CDK13: variants seen among roughly 807,000 people sequenced by gnomAD.
CDK13 encodes cyclin-dependent kinase 13.
Under a neutral mutation model 137.6 loss-of-function variants are expected in CDK13, and 40 were observed. The ratio of observed to expected loss-of-function variants is 0.29; its 90% CI spans 0.23 to 0.38. CDK13 has a LOEUF of 0.38. CDK13 is among the 10% of genes least tolerant of loss of function. The pLI, the probability that CDK13 is intolerant of heterozygous loss-of-function variation, is 1.00. For synonymous variants in CDK13, 869 were observed against 760.1 expected, an observed-to-expected ratio of 1.14 and a Z score of -2.36; for missense variants, 1,704 against 1,951.8, an observed-to-expected ratio of 0.87 and a Z score of 2.39.
chr7:39,999,588 C>T (rs1330682126), intron 4 of CDK13, 88 bp downstream of exon 4: 2 of 1,323,100 alleles, frequency 1.5e-6, no homozygotes, highest in Non-Finnish European at 2.1e-6. Context: ...CAGAAATTTT[C>T]CAAAAAATTA....
At chr7:40,068,082 C>G (rs1786321742) in intron 9 of CDK13, 1 of 119,170 alleles carries the variant, frequency 8.4e-6, no homozygotes, top group Admixed American at 8.8e-5. Context: ...GCGATTGAGA[C>G]TGTCTCAAAA....
chr7:40,064,366 A>C (rs981738357), intron 9 of CDK13, among the ~76,000 whole-genome samples: 1 of 152,140 alleles, frequency 6.6e-6, no homozygotes, highest in African/African-American at 2.4e-5. Context: ...ATTTCCATGA[A>C]AGTTTCAAAA....
At chr7:40,012,911 CAAAA>C (rs61228761) in intron 5 of CDK13, among the ~76,000 whole-genome samples, 17 of 120,594 alleles carry the variant, frequency 1.4e-4, no homozygotes, top group Admixed American at 3.5e-4. Flanking sequence ...GACTCTGTGT[CAAAA>C]AAAAAAAAAA....
At chr7:40,045,609 A>G (rs1262255212) in intron 5 of CDK13, among the ~76,000 whole-genome samples, 1 of 151,294 alleles carries the variant, frequency 6.6e-6, no homozygotes, top group African/African-American at 2.4e-5. Context: ...TTAAAATCAT[A>G]ACTGTTTTTT....
intron 1 of CDK13, among the ~76,000 whole-genome samples, chr7:39,954,240 C>T (rs542125988): frequency 2.0e-5 from 3 of 152,164 alleles, no homozygotes; most frequent in Admixed American, 2.0e-4. Flanking sequence ...GTCAAATGTC[C>T]AGCTTAAAAC....
chr7:39,955,372 A>G (rs993523044), intron 1 of CDK13, among the ~76,000 whole-genome samples: 1 of 152,170 alleles, frequency 6.6e-6, no homozygotes, highest in African/African-American at 2.4e-5. Flanking sequence ...TTGAAAGTAC[A>G]TGCTCTTAAT....
At chr7:39,992,902 G>A (rs1187256661) in intron 2 of CDK13, among the ~76,000 whole-genome samples, 4 of 152,112 alleles carry the variant, frequency 2.6e-5, no homozygotes, top group African/African-American at 7.2e-5. Flanking sequence ...ACTTTATGCT[G>A]TTGTTACAGG....
In CDK13 at chr7:39,951,211, C is replaced by T; in HGVS notation, c.570C>T (p.Arg190=). 1.6e-6 allele frequency: 2 copies of T among 1,253,666 alleles called. No individual in the cohort carries two copies. Among genetic ancestry groups the T allele is most frequent in the Non-Finnish European group, 2.0e-6 (2 of 1,001,664 alleles). 77.7% of individuals were successfully genotyped at this position (1,253,666 alleles called of 1,614,324 possible). A position where few individuals can be genotyped will look rare whatever the true frequency, so the allele number is the denominator to read the frequency against. Residue 190 remains arginine, a synonymous_variant, in exon 1 of 14, where the codon CGC becomes CGT. Coordinates refer to ENST00000181839, the MANE Select transcript of CDK13 (RefSeq NM_003718.5). The part of the protein sequence containing the change: ...SPASSSGTQR[R]GEGSERRPRR... ...CCTCCTCCTCCGGCACCCAGCGGCG[C>T]GGGGAGGGGTCGGAGCGCAGGCCCC...
At chr7:39,959,076 C>T (rs548179427) in intron 1 of CDK13, among the ~76,000 whole-genome samples, 15 of 152,230 alleles carry the variant, frequency 9.9e-5, no homozygotes, top group African/African-American at 3.6e-4. Flanking sequence ...TAGTTGTGAG[C>T]CCCTATTGGT....
rs975997672 is a variant in CDK13 at position 40,098,925 on chromosome 7, A to G, written c.*3945A>G. ...CCTGAAGGGGCTGTTTGTTTCATAT[A>G]TGGATAATCTTTGAAAAGGCAAGTC... On this transcript the variant is annotated 3_prime_UTR_variant, in exon 14 of 14. Coordinates refer to ENST00000181839, the MANE Select transcript of CDK13 (RefSeq NM_003718.5). 6 of 152,114 alleles carry G rather than the reference A, an allele frequency of 3.9e-5. No individual in the cohort carries two copies. The highest frequency in any genetic ancestry group is 1.4e-4 in the African/African-American group (6 of 41,450). 9.4% of individuals were successfully genotyped at this position (152,114 alleles called of 1,614,324 possible). A position where few individuals can be genotyped will look rare whatever the true frequency, so the allele number is the denominator to read the frequency against.
At chr7:40,079,658 A>G (rs1321821282) in intron 11 of CDK13, among the ~76,000 whole-genome samples, 1 of 152,212 alleles carries the variant, frequency 6.6e-6, no homozygotes, top group Non-Finnish European at 1.5e-5. Flanking sequence ...CAAATCTAGT[A>G]AAGGGTACAG....
At chr7:39,989,784 C>A (rs997857088) in intron 2 of CDK13, among the ~76,000 whole-genome samples, 1 of 138,950 alleles carries the variant, frequency 7.2e-6, no homozygotes, top group Admixed American at 7.2e-5. Flanking sequence ...CTACTTTATC[C>A]TTTTTTTTTT....
At chr7:40,078,652 A>T in intron 10 of CDK13, 68 bp from the exon 11 acceptor site, 1 of 932,696 alleles carries the variant, frequency 1.1e-6, no homozygotes, top group Non-Finnish European at 1.5e-6. Flanking sequence ...AAAATAATTT[A>T]AGCTCCTAAA....
intron 11 of CDK13, among the ~76,000 whole-genome samples, chr7:40,087,546 GTTTTTTTTTTT>G (rs35686770): frequency 9.8e-5 from 11 of 112,040 alleles, no homozygotes; most frequent in African/African-American, 4.0e-4. Flanking sequence ...CAATAGTGGT[GTTTTTTTTTTT>G]TTTTTTTTTG....
intron 6 of CDK13, among the ~76,000 whole-genome samples, chr7:40,046,884 C>T (rs1300021059): frequency 6.6e-6 from 1 of 151,678 alleles, no homozygotes; most frequent in East Asian, 1.9e-4. Context: ...CACCCGTAAT[C>T]CCAGCTGCTA....
rs763004610 is a variant in CDK13 at position 39,951,756 on chromosome 7, G to A, written c.1115G>A (p.Arg372His). 6.7e-7 allele frequency: 1 copy of A among 1,490,004 alleles called. No homozygotes were observed. The highest frequency in any genetic ancestry group is 2.4e-5 in the Admixed American group (1 of 41,130). 92.3% of individuals were successfully genotyped at this position (1,490,004 alleles called of 1,614,324 possible). The change falls in exon 1 of 14, where the codon CGC (arginine) becomes CAC (histidine). Residue 372 changes from arginine (R) to histidine (H), a missense_variant. Physicochemically the swap from Arg to His is conservative, Grantham distance 29. This residue lies in a region of CDK13 where 1,051 missense variants were observed against 931.0 expected (regional missense o/e 1.13). Coordinates refer to ENST00000181839, the MANE Select transcript of CDK13 (RefSeq NM_003718.5). ...YSRRRSPSYS[R>H]HSSYERGGDV... ...CGCCGCCGCTCCCCCAGCTACAGCCGCCACAGCTCCTACGAGCGGGGCGGC... is the reference window on the plus strand; with the variant it reads ...CGCCGCCGCTCCCCCAGCTACAGCCACCACAGCTCCTACGAGCGGGGCGGC...
intron 5 of CDK13, among the ~76,000 whole-genome samples, chr7:40,014,452 CT>C (rs70996871): frequency 0.2 from 23,946 of 118,536 alleles, 3,317 homozygotes; most frequent in African/African-American, 0.51. Context: ...ATTTCTCTCT[CT>C]TTTTTTTTTT....
chr7:40,067,155 G>C (rs1030875211), intron 9 of CDK13: 5 of 152,194 alleles, frequency 3.3e-5, no homozygotes, highest in African/African-American at 1.2e-4. Context: ...CCTTAGAGAG[G>C]TGAAGAATTC....
intron 11 of CDK13, among the ~76,000 whole-genome samples, chr7:40,080,938 A>G (rs1786650325): frequency 6.6e-6 from 1 of 152,214 alleles, no homozygotes; most frequent in African/African-American, 2.4e-5. Flanking sequence ...TAACATGAGA[A>G]TATTTAATGG....
Sources: gnomAD v4.1 joint callset for allele counts (sites outside exome capture counted in the v4.1 genomes callset) on GRCh38, gnomAD v4.1.1 for gene constraint, gnomAD v4.1.1 regional missense constraint, MANE v1.5 for transcripts, NCBI Gene and HGNC (gene_info 2026-07-23, HGNC 2026-07-21) for gene names.